The following KLHL22 variants were observed in gnomAD, a reference collection of about 807,000 sequenced individuals.
KLHL22 encodes kelch like family member 22, also known as kelch-like protein 22.
Under a neutral mutation model 60.7 loss-of-function variants are expected in KLHL22, and 18 were observed. That is an observed-to-expected ratio of 0.30 (90% CI 0.20 to 0.44). The LOEUF (loss-of-function observed/expected upper bound fraction) is 0.44, where lower values mean the gene tolerates loss of function less well. KLHL22 is among the 20% of genes least tolerant of loss of function. The pLI is 1.00. For missense variants in KLHL22, 596 were observed against 852.3 expected (o/e 0.70, Z 3.74); for synonymous variants, 355 against 354.5 (o/e 1.00, Z -0.01).
Position 20,483,182 on chromosome 22 carries a change from T to C in KLHL22, c.227+5803A>G, listed in dbSNP as rs1407854631. Reference sequence around the variant, plus strand: ...CTTCAGATTTCTCAAGGAGTCCAGGTTGATCTCCAAGGACTGGACGTACGT... The same window carrying C: ...CTTCAGATTTCTCAAGGAGTCCAGGCTGATCTCCAAGGACTGGACGTACGT... On this transcript the variant is annotated intron_variant, in intron 2 of 6. Coordinates refer to ENST00000328879, the MANE Select transcript of KLHL22 (RefSeq NM_032775.4). The C allele has an allele frequency of 4.7e-6, 3 of 639,694 alleles. No homozygotes were observed. The African/African-American group carries it at 5.4e-5, about 11-fold the overall frequency. The allele number at this position is 639,694 out of a possible 1,614,324, so 39.6% of individuals were successfully genotyped here.
intron 1 of KLHL22, among the ~76,000 whole-genome samples, chr22:20,493,934 A>G (rs543860365): frequency 2.6e-5 from 4 of 152,130 alleles, no homozygotes; most frequent in Admixed American, 2.0e-4. Context: ...GTGGTGGCGC[A>G]TGCCTGTTAT....
intron 2 of KLHL22, chr22:20,483,582 G>C (rs1220447811): frequency 2.8e-6 from 2 of 727,180 alleles, no homozygotes; most frequent in African/African-American, 1.7e-5. Flanking sequence ...CCACAGACTA[G>C]TGCATGGGCA....
chr22:20,450,673 G>C (rs1390567292), intron 5 of KLHL22: 1 of 1,532,660 alleles, frequency 6.5e-7, no homozygotes, highest in South Asian at 1.1e-5. Flanking sequence ...AATCAAGTGC[G>C]ATGAAATTCA....
At chr22:20,494,613 G>A (rs558435657) in intron 1 of KLHL22, among the ~76,000 whole-genome samples, 1 of 152,212 alleles carries the variant, frequency 6.6e-6, no homozygotes, top group Admixed American at 6.5e-5. Context: ...CTGACCTCAG[G>A]TGATCTGCCA....
intron 5 of KLHL22, chr22:20,450,166 T>G (rs2052952692): frequency 1.3e-6 from 1 of 795,072 alleles, no homozygotes; most frequent in South Asian, 1.3e-5. Flanking sequence ...CAAATACTCA[T>G]GCTAAATCAA....
intron 2 of KLHL22, among the ~76,000 whole-genome samples, chr22:20,473,405 G>A (rs1161869561): frequency 1.3e-5 from 2 of 152,212 alleles, no homozygotes; most frequent in Admixed American, 6.5e-5. Flanking sequence ...ATCAGTGTGA[G>A]ATACCTGTGA....
At chr22:20,455,173 G>A (rs564562294) in intron 5 of KLHL22, among the ~76,000 whole-genome samples, 5 of 152,196 alleles carry the variant, frequency 3.3e-5, no homozygotes, top group East Asian at 1.9e-4. Context: ...GTGAGCCACC[G>A]CGCCCTGCCA....
chr22:20,467,428 C>T (rs1326634885), intron 3 of KLHL22, among the ~76,000 whole-genome samples: 1 of 152,292 alleles, frequency 6.6e-6, no homozygotes, highest in East Asian at 1.9e-4. Flanking sequence ...CCCTAATAAA[C>T]GCTCTGGCCA....
At chr22:20,494,990 G>A (rs2053746859) in intron 1 of KLHL22, among the ~76,000 whole-genome samples, 1 of 152,238 alleles carries the variant, frequency 6.6e-6, no homozygotes, top group South Asian at 2.1e-4. Flanking sequence ...GGGGGCGGCT[G>A]CGGTAGAGGA....
intron 2 of KLHL22, among the ~76,000 whole-genome samples, chr22:20,485,577 C>A (rs1453785980): frequency 6.6e-6 from 1 of 152,110 alleles, no homozygotes; most frequent in Admixed American, 6.6e-5. Context: ...ACAGAAAAGG[C>A]AGAGAAGAGG....
chr22:20,469,387 G>A (rs1411145178), intron 3 of KLHL22, among the ~76,000 whole-genome samples: 2 of 152,074 alleles, frequency 1.3e-5, no homozygotes, highest in African/African-American at 2.4e-5. Flanking sequence ...GGGGAGCTCC[G>A]GGAGAGTGGC....
chr22:20,444,779 T>TTTTGTTTGTTTG (rs150439544), intron 6 of KLHL22, among the ~76,000 whole-genome samples: 38,278 of 151,408 alleles, frequency 0.25, 5,976 homozygotes, highest in East Asian at 0.45. Context: ...GGATGCTCTT[T>TTTTGTTTGTTTG]TTTGTTTGTT....
intron 4 of KLHL22, among the ~76,000 whole-genome samples, chr22:20,459,805 G>GTC (rs535276708): frequency 7.0e-4 from 106 of 152,312 alleles, no homozygotes; most frequent in Non-Finnish European, 1.3e-3. Flanking sequence ...GCCTCAAGAG[G>GTC]TCAGGGCCCT....
At chr22:20,474,809 A>C (rs1349074457) in intron 2 of KLHL22, among the ~76,000 whole-genome samples, 1 of 152,254 alleles carries the variant, frequency 6.6e-6, no homozygotes, top group African/African-American at 2.4e-5. Context: ...TGCATATGCC[A>C]GGATTAAGTC....
chr22:20,484,575 A>G (rs5749847), intron 2 of KLHL22, among the ~76,000 whole-genome samples: 48,681 of 151,964 alleles, frequency 0.32, 8,004 homozygotes, highest in East Asian at 0.46. Flanking sequence ...GATTACATGC[A>G]TGAGCCACTG....
At chr22:20,451,344 G>C in intron 5 of KLHL22, 1 of 1,611,650 alleles carries the variant, frequency 6.2e-7, no homozygotes, top group Non-Finnish European at 8.5e-7. Context: ...GGAGCATGCT[G>C]GGAGATATGC....
intron 2 of KLHL22, among the ~76,000 whole-genome samples, chr22:20,478,466 A>G (rs1451030486): frequency 6.7e-6 from 1 of 150,084 alleles, no homozygotes; most frequent in Non-Finnish European, 1.5e-5. Flanking sequence ...CAGCCTCCCA[A>G]AGTGCTGGGA....
intron 4 of KLHL22, among the ~76,000 whole-genome samples, chr22:20,462,229 AT>A (rs1569130753): frequency 6.9e-6 from 1 of 145,626 alleles, no homozygotes; most frequent in Non-Finnish European, 1.5e-5. Context: ...GTGAGCCGAG[AT>A]CGTGCCACTG....
chr22:20,455,484 G>A (rs1487283021), intron 5 of KLHL22, among the ~76,000 whole-genome samples: 1 of 152,208 alleles, frequency 6.6e-6, no homozygotes, highest in African/African-American at 2.4e-5. Context: ...TAGGCAGATG[G>A]TTAGATATGA....
Sources: allele counts gnomAD v4.1 joint callset (sites outside exome capture counted in the v4.1 genomes callset), GRCh38; gene constraint gnomAD v4.1.1; transcripts MANE v1.5; gene names NCBI Gene and HGNC (gene_info 2026-07-23, HGNC 2026-07-21).